The following VRK1 variants were observed in gnomAD, a reference collection of about 807,000 sequenced individuals.
VRK1 encodes VRK serine/threonine kinase 1.
In VRK1, 33 loss-of-function variants were observed where a neutral mutation model predicts 57.1. That is an observed-to-expected ratio of 0.58 (90% confidence interval 0.44 to 0.77). VRK1 has a LOEUF of 0.77. VRK1 is among the 30% of genes least tolerant of loss of function. The pLI is 0.00. For synonymous variants in VRK1, 137 were observed against 147.8 expected (o/e 0.93, Z 0.53); for missense variants, 413 against 477.3 (o/e 0.87, Z 1.25).
chr14:96,851,297 T>A (rs1887938223), intron 5 of VRK1, among the ~76,000 whole-genome samples: 1 of 152,074 alleles, frequency 6.6e-6, no homozygotes, highest in Non-Finnish European at 1.5e-5. Flanking sequence ...CCTGCCACCG[T>A]GCCCGGCTAA....
chr14:96,804,137 C>A (rs2080840691), intron 1 of VRK1, among the ~76,000 whole-genome samples: 1 of 152,164 alleles, frequency 6.6e-6, no homozygotes, highest in Non-Finnish European at 1.5e-5. Flanking sequence ...CTGTTTTACC[C>A]TTATATGTCT....
At chr14:96,849,428 T>C (rs577060848) in intron 5 of VRK1, among the ~76,000 whole-genome samples, 22 of 151,542 alleles carry the variant, frequency 1.5e-4, no homozygotes, top group Admixed American at 3.9e-4. Context: ...CCTCTTTCCA[T>C]AATTTGAGTA....
Position 96,857,269 on chromosome 14 carries a change from G to T in VRK1, c.889+683G>T, listed in dbSNP as rs557894729. Among the ~76,000 whole-genome samples the T allele has an allele frequency of 6.6e-5, 10 of 152,236 alleles. No individual in the cohort carries two copies. In the South Asian group the frequency reaches 1.9e-3, roughly 28 times the overall value. On this transcript the variant is annotated intron_variant, in intron 10 of 12. Coordinates refer to ENST00000216639, the MANE Select transcript of VRK1 (RefSeq NM_003384.3). ...ACAGGGAATAGAATTAGGGGGATGG[G>T]GATGGGGTGGGTAGTAAAGTAGTGA... is the stretch of plus-strand genomic sequence containing the variant.
intron 1 of VRK1, among the ~76,000 whole-genome samples, chr14:96,810,600 A>G (rs2139694289): frequency 6.6e-6 from 1 of 152,280 alleles, no homozygotes; most frequent in East Asian, 1.9e-4. Flanking sequence ...GGATTCCAGT[A>G]TTCTCCACCT....
At position 96,827,999 on chromosome 14, in the gene VRK1, C is replaced by T. The variant is rs541491520; in HGVS notation, c.-5-5468C>T. ...CAGCCATTTCTTCTGACCCTTAGTC[C>T]CCAAAGTGATATCTGCTGTTTGACT... On this transcript the variant is annotated intron_variant, in intron 1 of 12. Transcript: ENST00000216639. Among the ~76,000 whole-genome samples the T allele has an allele frequency of 2.0e-5, 3 of 152,266 alleles. No individual in the cohort carries two copies. In the South Asian group the frequency reaches 6.2e-4, roughly 32 times the overall value.
chr14:96,833,774 C>A, intron 2 of VRK1, 143 bp downstream of exon 2: 1 of 1,203,210 alleles, frequency 8.3e-7, no homozygotes, highest in Non-Finnish European at 1.2e-6. Context: ...AAAAATGCAT[C>A]TCTGACGTAG....
At chr14:96,848,302 C>T (rs923206198) in intron 5 of VRK1, among the ~76,000 whole-genome samples, 2 of 152,178 alleles carry the variant, frequency 1.3e-5, no homozygotes, top group African/African-American at 4.8e-5. Flanking sequence ...ACTTTCCTGG[C>T]AAAGAAAGCT....
intron 1 of VRK1, among the ~76,000 whole-genome samples, chr14:96,820,526 ATGT>A (rs2073634966): frequency 1.3e-5 from 2 of 152,296 alleles, no homozygotes; most frequent in South Asian, 4.1e-4. Context: ...TGCGTTGTTG[ATGT>A]TGTGAGTTGT....
intron 1 of VRK1, among the ~76,000 whole-genome samples, chr14:96,823,447 A>G (rs1886679679): frequency 6.6e-6 from 1 of 152,240 alleles, no homozygotes; most frequent in Non-Finnish European, 1.5e-5. Flanking sequence ...TTATGTAATT[A>G]GCATCTATAA....
intron 3 of VRK1, among the ~76,000 whole-genome samples, chr14:96,838,989 G>A (rs1176926825): frequency 2.6e-5 from 4 of 151,570 alleles, no homozygotes; most frequent in Non-Finnish European, 4.4e-5. Flanking sequence ...CTCTTAAAAT[G>A]TAGAGCATTT....
Position 96,860,845 on chromosome 14 carries a change from G to A in VRK1, c.1068+110G>A, listed in dbSNP as rs114263276. 3,680 of 1,103,888 alleles carry A rather than the reference G, an allele frequency of 3.3e-3. 95 individuals carry two copies. In the African/African-American group the frequency reaches 0.052, roughly 16 times the overall value. The allele number at this position is 1,103,888 out of a possible 1,614,324, so 68.4% of individuals were successfully genotyped here. On this transcript the variant is annotated intron_variant, in intron 11 of 12. Transcript: ENST00000216639. ...ATGAAGAACAATAACAGATTGCATG[G>A]CAATTAAGGCAAACATTTTTTGTAA...
At chr14:96,823,221 C>G (rs939330461) in intron 1 of VRK1, among the ~76,000 whole-genome samples, 1 of 152,084 alleles carries the variant, frequency 6.6e-6, no homozygotes, top group Non-Finnish European at 1.5e-5. Context: ...ATTATTTGTT[C>G]TTTTTATCTG....
At chr14:96,800,807 T>G (rs1595632125) in intron 1 of VRK1, among the ~76,000 whole-genome samples, 1 of 152,064 alleles carries the variant, frequency 6.6e-6, no homozygotes, top group African/African-American at 2.4e-5. Context: ...CTAAAATGTT[T>G]ATTGGTAAGT....
At chr14:96,816,441 C>T (rs1056935025) in intron 1 of VRK1, among the ~76,000 whole-genome samples, 12 of 152,180 alleles carry the variant, frequency 7.9e-5, no homozygotes, top group Admixed American at 1.3e-4. Context: ...AATTACCCTA[C>T]TTCCTGACAG....
At chr14:96,862,993 A>C (rs1888450637) in intron 11 of VRK1, among the ~76,000 whole-genome samples, 2 of 152,162 alleles carry the variant, frequency 1.3e-5, no homozygotes, top group Admixed American at 1.3e-4. Flanking sequence ...AACCTACAGG[A>C]ATTGATGAAC....
chr14:96,848,618 A>G (rs1251162864), intron 5 of VRK1, among the ~76,000 whole-genome samples: 2 of 152,158 alleles, frequency 1.3e-5, no homozygotes, highest in Non-Finnish European at 2.9e-5. Flanking sequence ...TATAGTTTTT[A>G]TAATATTTTC....
intron 11 of VRK1, among the ~76,000 whole-genome samples, chr14:96,865,288 C>G (rs1328062129): frequency 6.6e-6 from 1 of 152,122 alleles, no homozygotes; most frequent in Non-Finnish European, 1.5e-5. Context: ...TAGTTGATCT[C>G]AACCATTTGT....
In VRK1 at chr14:96,860,553, T is replaced by C. The variant is rs2139814659; in HGVS notation, c.890-4T>C. 6.2e-7 allele frequency: 1 copy of C among 1,611,520 alleles called. No individual in the cohort carries two copies. Among genetic ancestry groups the C allele is most frequent in the African/African-American group, 1.3e-5 (1 of 74,974 alleles). On this transcript the variant is annotated splice_polypyrimidine_tract_variant and splice_region_variant and intron_variant, in intron 10 of 12. Coordinates refer to ENST00000216639, the MANE Select transcript of VRK1 (RefSeq NM_003384.3). ...GTTATAAAATGATTGTGTTATTCTT[T>C]TAGGTGAAATTGCCAAATACATGGA... is the stretch of plus-strand genomic sequence containing the variant.
intron 1 of VRK1, among the ~76,000 whole-genome samples, chr14:96,800,950 A>C (rs1885635857): frequency 6.6e-6 from 1 of 152,140 alleles, no homozygotes; most frequent in Non-Finnish European, 1.5e-5. Context: ...ATGGAAGGAC[A>C]CGTGTCTTGT....
Sources: gnomAD v4.1 joint callset for allele counts (sites outside exome capture counted in the v4.1 genomes callset) on GRCh38, gnomAD v4.1.1 for gene constraint, MANE v1.5 for transcripts, NCBI Gene and HGNC (gene_info 2026-07-23, HGNC 2026-07-21) for gene names.